MYOM1: variants seen among roughly 807,000 people sequenced by gnomAD.
MYOM1 encodes the protein myomesin-1.
A neutral mutation model predicts 205.3 loss-of-function variants in MYOM1; 164 were observed. That is an observed-to-expected ratio of 0.80 (90% CI 0.70 to 0.91). MYOM1 has a LOEUF of 0.91. MYOM1 is among the 40% of genes least tolerant of loss of function. The probability of loss-of-function intolerance (pLI) is 0.00; values close to 1 mark genes in which losing one functional copy is unlikely to be tolerated. For missense variants in MYOM1, 2,011 were observed against 2,127.3 expected (o/e 0.95, Z 1.08); for synonymous variants, 772 against 789.4 (o/e 0.98, Z 0.37).
intron 2 of MYOM1, among the ~76,000 whole-genome samples, chr18:3,196,500 A>T (rs1299253682): frequency 6.6e-6 from 1 of 152,232 alleles, no homozygotes; most frequent in Non-Finnish European, 1.5e-5. Flanking sequence ...TTACCTATTA[A>T]AACTACATGT....
chr18:3,135,275 A>G lies in MYOM1; in HGVS notation c.2209+272T>C, dbSNP rs1022440861. The stretch of plus-strand genomic sequence containing the variant: ...TACATTGTATTTTTTAAAGCAAAAA[A>G]TTTTAAAACAGTTAGGGAGCATGGA... On this transcript the variant is annotated intron_variant, in intron 15 of 37. Coordinates refer to ENST00000356443, the MANE Select transcript of MYOM1 (RefSeq NM_003803.4). The surrounding 1 kb of genome is among the most constrained non-coding windows in gnomAD (Gnocchi z 4.1). The G allele has an allele frequency of 3.0e-6, 1 of 335,926 alleles. No homozygotes were observed. Among genetic ancestry groups the G allele is most frequent in the Non-Finnish European group, 5.4e-6 (1 of 184,970 alleles). 20.8% of individuals were successfully genotyped at this position (335,926 alleles called of 1,614,324 possible).
chr18:3,120,065 T>C, intron 19 of MYOM1, 70 bp from the exon 20 acceptor site: 2 of 1,502,452 alleles, frequency 1.3e-6, no homozygotes, highest in South Asian at 1.3e-5. Context: ...TTGTTGAGCA[T>C]TTTATTTATT....
intron 34 of MYOM1, among the ~76,000 whole-genome samples, chr18:3,076,575 T>C (rs1018141904): frequency 2.0e-5 from 3 of 152,140 alleles, no homozygotes; most frequent in African/African-American, 7.2e-5. Context: ...TGCTGGTGCT[T>C]GCCTGAAGCA....
At chr18:3,092,561 C>CT (rs11457143) in intron 26 of MYOM1, among the ~76,000 whole-genome samples, 35,845 of 146,546 alleles carry the variant, frequency 0.24, 4,541 homozygotes, top group African/African-American at 0.33. Context: ...GTTTAGACAA[C>CT]TTTTTTTTTT....
At chr18:3,115,216 T>C (rs1052321605) in intron 21 of MYOM1, among the ~76,000 whole-genome samples, 1 of 152,300 alleles carries the variant, frequency 6.6e-6, no homozygotes, top group East Asian at 1.9e-4. Flanking sequence ...CTTGAACTTT[T>C]CTCTTCCTCA....
intron 36 of MYOM1, among the ~76,000 whole-genome samples, chr18:3,072,679 A>G (rs2078974279): frequency 7.0e-6 from 1 of 143,222 alleles, no homozygotes; most frequent in African/African-American, 2.9e-5. Flanking sequence ...ATCCTTCTTC[A>G]CCGTCATATT....
intron 14 of MYOM1, among the ~76,000 whole-genome samples, chr18:3,139,483 C>A (rs117801521): frequency 2.0e-5 from 3 of 152,166 alleles, no homozygotes; most frequent in Non-Finnish European, 4.4e-5. Context: ...ACAAGCACAG[C>A]GGTGGCCCAA....
chr18:3,194,147 G>A (rs1261629650), intron 2 of MYOM1, among the ~76,000 whole-genome samples, 189 bp from the exon 3 acceptor site: 1 of 152,184 alleles, frequency 6.6e-6, no homozygotes, highest in Non-Finnish European at 1.5e-5. Context: ...TATATAGACA[G>A]AAAAGAAAAA....
In MYOM1 at chr18:3,112,288, G is replaced by A. The variant is rs748250980; in HGVS notation, c.3418+10C>T. The A allele has an allele frequency of 1.2e-6, 2 of 1,611,622 alleles. No homozygotes were observed. The highest frequency in any genetic ancestry group is 2.2e-5 in the South Asian group (2 of 90,930). ...ATAGGATTAGTTTTAATGAAAAGGT[G>A]AAAGCCCACCTGGACGGGTCTCTGC... On this transcript the variant is annotated intron_variant, in intron 22 of 37. Transcript: ENST00000356443.
rs762862226 is a variant in MYOM1, at chr18:3,075,445, T to TTTACTTACTTTAC, written c.4708+8_4708+9insGTAAAGTAAGTAA. 1 of 1,610,670 alleles carries TTTACTTACTTTAC rather than the reference T, an allele frequency of 6.2e-7. No individual in the cohort carries two copies. Among genetic ancestry groups the TTTACTTACTTTAC allele is most frequent in the South Asian group, 1.1e-5 (1 of 90,726 alleles). The stretch of plus-strand genomic sequence containing the variant: ...GTACTTGTGAAAAGTAAAAAAAAAG[T>TTTACTTACTTTAC]TTACTTACTTTTCTCGGCAATGGCA... On this transcript the variant is annotated intron_variant, in intron 36 of 37. Coordinates refer to ENST00000356443, the MANE Select transcript of MYOM1 (RefSeq NM_003803.4).
the MYOM1 span, among the ~76,000 whole-genome samples, chr18:3,234,085 T>C: frequency 1.0e-3 from 154 of 152,264 alleles, no homozygotes; most frequent in African/African-American, 3.3e-3. Context: ...ATCTGTAAAA[T>C]GGAGGTGACA....
chr18:3,122,180 GTT>G (rs71366636), intron 19 of MYOM1, among the ~76,000 whole-genome samples: 1 of 138,622 alleles, frequency 7.2e-6, no homozygotes. Context: ...TAAGATATTA[GTT>G]TTTTTTTTTT....
chr18:3,132,547 T>C (rs1204243018), intron 16 of MYOM1, among the ~76,000 whole-genome samples: 1 of 152,122 alleles, frequency 6.6e-6, no homozygotes, highest in African/African-American at 2.4e-5. Flanking sequence ...TGTTGACGGA[T>C]TATTTCATCA....
intron 5 of MYOM1, among the ~76,000 whole-genome samples, chr18:3,184,790 G>A (rs1438551085): frequency 2.0e-5 from 3 of 152,202 alleles, no homozygotes; most frequent in Non-Finnish European, 4.4e-5. Flanking sequence ...GGGGCTCAAG[G>A]GAGTTGTTCT....
intron 14 of MYOM1, among the ~76,000 whole-genome samples, chr18:3,138,921 T>C (rs1292213297): frequency 6.6e-6 from 1 of 152,158 alleles, no homozygotes; most frequent in Non-Finnish European, 1.5e-5. Flanking sequence ...GTTCTGTGTT[T>C]TACCAGCTCT....
chr18:3,136,843 G>A (rs752849780), intron 14 of MYOM1, among the ~76,000 whole-genome samples: 1 of 152,158 alleles, frequency 6.6e-6, no homozygotes, highest in Non-Finnish European at 1.5e-5. Context: ...CTCCACTGAA[G>A]AGCAAATCAC....
In MYOM1 at chr18:3,179,121, G is replaced by A. The variant is rs573520534; in HGVS notation, c.930-2987C>T. ...TGGGCTCAAGCAATCCTCCCACCTC[G>A]GCCTCCCAAAATGCTAGGATTACAG... On this transcript the variant is annotated intron_variant, in intron 5 of 37. Coordinates refer to ENST00000356443, the MANE Select transcript of MYOM1 (RefSeq NM_003803.4). The surrounding 1 kb of genome is among the most constrained non-coding windows in gnomAD (Gnocchi z 4.4). 1.5e-4 allele frequency among the ~76,000 whole-genome samples: 23 copies of A among 150,440 alleles called. No individual in the cohort carries two copies. The South Asian group carries it at 2.3e-3, about 15-fold the overall frequency.
chr18:3,146,695 T>C lies in MYOM1; in HGVS notation c.1900+2450A>G, dbSNP rs559886926. 2.5e-4 allele frequency among the ~76,000 whole-genome samples: 38 copies of C among 152,112 alleles called. No homozygotes were observed. In the South Asian group the frequency reaches 6.6e-3, roughly 27 times the overall value. On this transcript the variant is annotated intron_variant, in intron 13 of 37. Transcript: ENST00000356443. ...GGTGAAAGACTGAATGCTTTCCCCC[T>C]GACATCAGGAAAAGGCAAAGATGAC...
At chr18:3,242,005 C>T in the MYOM1 span, among the ~76,000 whole-genome samples, 2 of 152,166 alleles carry the variant, frequency 1.3e-5, no homozygotes, top group Admixed American at 6.5e-5. Flanking sequence ...AATGCCTGTA[C>T]CCCCCTTGTA....
Sources: allele counts gnomAD v4.1 joint callset (sites outside exome capture counted in the v4.1 genomes callset), GRCh38; gene constraint gnomAD v4.1.1; non-coding constraint Gnocchi (gnomAD v3.1); transcripts MANE v1.5; gene names NCBI Gene and HGNC (gene_info 2026-07-23, HGNC 2026-07-21).